STX11: variants seen among roughly 807,000 people sequenced by gnomAD.
STX11 encodes syntaxin 11.
Under a neutral mutation model 19.9 loss-of-function variants are expected in STX11, and 21 were observed. The ratio of observed to expected loss-of-function variants is 1.06; its 90% CI spans 0.75 to 1.52. The LOEUF is 1.52. Ranked by LOEUF, STX11 falls within the 40% of genes most tolerant of loss-of-function variation. The pLI is 0.00. For synonymous variants in STX11, 193 were observed against 174.4 expected (o/e 1.11, Z -0.84); for missense variants, 438 against 405.9 (o/e 1.08, Z -0.68).
chr6:144,163,467 T>A (rs78018596), intron 1 of STX11, among the ~76,000 whole-genome samples: 9,303 of 152,002 alleles, frequency 0.061, 425 homozygotes, highest in East Asian at 0.22. Flanking sequence ...TTTTTATTTT[T>A]AAAATTTTTT....
Position 144,153,671 on chromosome 6 carries a change from G to C in STX11, c.-6+2968G>C, listed in dbSNP as rs766264973. The stretch of plus-strand genomic sequence containing the variant: ...GTGACATTGACCCTAGGAAGACACC[G>C]TGGAAACTGTTGTCATATTGCAGAT... On this transcript the variant is annotated intron_variant, in intron 1 of 1. Coordinates refer to ENST00000367568, the MANE Select transcript of STX11 (RefSeq NM_003764.4). This position sits in a 1 kb window ranked among gnomAD's most constrained non-coding sequence, Gnocchi z 5.0. Among the ~76,000 whole-genome samples the C allele has an allele frequency of 2.6e-5, 4 of 152,194 alleles. No individual in the cohort carries two copies. Among genetic ancestry groups the C allele is most frequent in the Admixed American group, 1.3e-4 (2 of 15,278 alleles).
chr6:144,145,148 G>A, the STX11 span, among the ~76,000 whole-genome samples: 2 of 152,216 alleles, frequency 1.3e-5, no homozygotes, highest in Admixed American at 1.3e-4. Flanking sequence ...AGCAACGCAA[G>A]TGTCCATTGA....
Position 144,176,866 on chromosome 6 carries a change from A to G in STX11, c.-5-9757A>G, listed in dbSNP as rs1437719519. On this transcript the variant is annotated intron_variant, in intron 1 of 1. Transcript: ENST00000367568. This position sits in a 1 kb window ranked among gnomAD's most constrained non-coding sequence, Gnocchi z 4.1. The stretch of plus-strand genomic sequence containing the variant: ...AGATGCCTTTGACATTTGAAGGGAG[A>G]AACTTCAGTTACTGTAAAGGTTACT... Among the ~76,000 whole-genome samples, 6 of 152,214 alleles carry G rather than the reference A, an allele frequency of 3.9e-5. No individual in the cohort carries two copies.
Position 144,169,351 on chromosome 6 carries a change from ATTAAT to A in STX11, c.-5-17269_-5-17265del, listed in dbSNP as rs1801566758. Among the ~76,000 whole-genome samples, 1 of 152,200 alleles carries A rather than the reference ATTAAT, an allele frequency of 6.6e-6. No homozygotes were observed. Among genetic ancestry groups the A allele is most frequent in the Non-Finnish European group, 1.5e-5 (1 of 68,036 alleles). On this transcript the variant is annotated intron_variant, in intron 1 of 1. Transcript: ENST00000367568. The surrounding 1 kb of genome is among the most constrained non-coding windows in gnomAD (Gnocchi z 5.2). Reference sequence around the variant, plus strand: ...AGCAATGACCTTGGCAAATTCATCAATTAATTTCTCTGCTGCTTTGTGATCAGCAG... The same window carrying A: ...AGCAATGACCTTGGCAAATTCATCAATTCTCTGCTGCTTTGTGATCAGCAG...
chr6:144,176,294 C>G lies in STX11; in HGVS notation c.-5-10329C>G. Among the ~76,000 whole-genome samples, 1 of 152,170 alleles carries G rather than the reference C, an allele frequency of 6.6e-6. No homozygotes were observed. On this transcript the variant is annotated intron_variant, in intron 1 of 1. Transcript: ENST00000367568. This position sits in a 1 kb window ranked among gnomAD's most constrained non-coding sequence, Gnocchi z 4.1. ...AAAGGGCATGAACTCAGGACCTGGA[C>G]AGATGTGAGTTTAAATCCCAGACTT...
chr6:144,155,026 C>T lies in STX11; in HGVS notation c.-6+4323C>T, dbSNP rs1404912252. Among the ~76,000 whole-genome samples, 2 of 151,994 alleles carry T rather than the reference C, an allele frequency of 1.3e-5. No homozygotes were observed. Among genetic ancestry groups the T allele is most frequent in the African/African-American group, 4.8e-5 (2 of 41,398 alleles). The stretch of plus-strand genomic sequence containing the variant: ...AACCTACCCTGACTTGGATTAATAT[C>T]CTGATTTTTGTTCAGCAATCAGGGA... On this transcript the variant is annotated intron_variant, in intron 1 of 1. Transcript: ENST00000367568. This position sits in a 1 kb window ranked among gnomAD's most constrained non-coding sequence, Gnocchi z 4.5.
chr6:144,162,935 A>G lies in STX11; in HGVS notation c.-6+12232A>G, dbSNP rs1002294218. 6.6e-6 allele frequency among the ~76,000 whole-genome samples: 1 copy of G among 152,222 alleles called. No homozygotes were observed. Among genetic ancestry groups the G allele is most frequent in the Non-Finnish European group, 1.5e-5 (1 of 68,046 alleles). On this transcript the variant is annotated intron_variant, in intron 1 of 1. Coordinates refer to ENST00000367568, the MANE Select transcript of STX11 (RefSeq NM_003764.4). This position sits in a 1 kb window ranked among gnomAD's most constrained non-coding sequence, Gnocchi z 4.6. ...GGGAATTCATTCACTGTGTGTAAATACCTTTTGAGGTTCATTGTCTTATTC... is the reference window on the plus strand; with the variant it reads ...GGGAATTCATTCACTGTGTGTAAATGCCTTTTGAGGTTCATTGTCTTATTC...
upstream of STX11, chr6:144,150,449 C>T: frequency 1.0e-6 from 1 of 967,240 alleles, no homozygotes. Context: ...GCGCTGTCAT[C>T]CCGGGGCGGG....
rs1191441125 is a variant in STX11, at chr6:144,175,345, T to G, written c.-5-11278T>G. 2.6e-5 allele frequency among the ~76,000 whole-genome samples: 4 copies of G among 152,260 alleles called. No individual in the cohort carries two copies. The East Asian group carries it at 7.7e-4, about 29-fold the overall frequency. On this transcript the variant is annotated intron_variant, in intron 1 of 1. Coordinates refer to ENST00000367568, the MANE Select transcript of STX11 (RefSeq NM_003764.4). This position sits in a 1 kb window ranked among gnomAD's most constrained non-coding sequence, Gnocchi z 5.1. ...AAAATGCTTTATACATGTTAGAATT[T>G]TATTGCTGTAAATGGAAATGGCAAT...
rs886061145 is a variant in STX11 at position 144,188,426 on chromosome 6, CCCTT to C, written c.*939_*942del. ...TTGAGTTTGTTTCACTCCAGTTTGC[CCCTT>C]CCTAGTCCAGTTTGGGTCAAACTTC... On this transcript the variant is annotated 3_prime_UTR_variant, in exon 2 of 2. Coordinates refer to ENST00000367568, the MANE Select transcript of STX11 (RefSeq NM_003764.4). 46 of 223,272 alleles carry C rather than the reference CCCTT, an allele frequency of 2.1e-4. No homozygotes were observed. The highest frequency in any genetic ancestry group is 5.9e-5 in the Admixed American group (1 of 16,896). The allele number at this position is 223,272 out of a possible 1,614,324, so 13.8% of individuals were successfully genotyped here. A position where few individuals can be genotyped will look rare whatever the true frequency, so the allele number is the denominator to read the frequency against.
intron 1 of STX11, among the ~76,000 whole-genome samples, chr6:144,181,613 A>G (rs1801914040): frequency 6.6e-6 from 1 of 151,200 alleles, no homozygotes; most frequent in African/African-American, 2.4e-5. Context: ...AAAAAAAAAA[A>G]AAAAGCTGAC....
chr6:144,190,503 G>A lies in STX11; in HGVS notation c.*3012G>A, dbSNP rs1802187438. ...TTTTTAAGTACAGAGGAAAAATAAA[G>A]CCTATTTTTTGTTAACAGTCTTAAT... On this transcript the variant is annotated 3_prime_UTR_variant, in exon 2 of 2. Coordinates refer to ENST00000367568, the MANE Select transcript of STX11 (RefSeq NM_003764.4). Among the ~76,000 whole-genome samples, 1 of 151,840 alleles carries A rather than the reference G, an allele frequency of 6.6e-6. No homozygotes were observed. Among genetic ancestry groups the A allele is most frequent in the Non-Finnish European group, 1.5e-5 (1 of 67,996 alleles).
intron 1 of STX11, among the ~76,000 whole-genome samples, chr6:144,158,097 C>T (rs1429027431): frequency 2.0e-5 from 3 of 152,020 alleles, no homozygotes; most frequent in African/African-American, 7.3e-5. Flanking sequence ...ACACATTTTC[C>T]CCAGAAGATT....
At chr6:144,161,356 C>G (rs1801332863) in intron 1 of STX11, among the ~76,000 whole-genome samples, 2 of 151,892 alleles carry the variant, frequency 1.3e-5, no homozygotes, top group African/African-American at 2.4e-5. Context: ...TTTTTGGATT[C>G]TTTAATTGGA....
At chr6:144,149,865 A>G (rs1160154867), upstream of STX11, among the ~76,000 whole-genome samples, 1 of 151,930 alleles carries the variant, frequency 6.6e-6, no homozygotes, top group Non-Finnish European at 1.5e-5. The surrounding 1 kb of genome is among the most constrained non-coding windows in gnomAD (Gnocchi z 5.1). Context: ...CACAATCCAC[A>G]CTTTCTATTT....
chr6:144,173,634 TTCAACA>T (rs1801702110), intron 1 of STX11, among the ~76,000 whole-genome samples: 4 of 152,202 alleles, frequency 2.6e-5, no homozygotes, highest in Non-Finnish European at 4.4e-5. Flanking sequence ...TCAAAACACT[TTCAACA>T]TTGTCTGGAG....
rs1801032894 is a variant in STX11 at position 144,152,588 on chromosome 6, C to T, written c.-6+1885C>T. Among the ~76,000 whole-genome samples, 1 of 152,178 alleles carries T rather than the reference C, an allele frequency of 6.6e-6. No individual in the cohort carries two copies. Among genetic ancestry groups the T allele is most frequent in the South Asian group, 2.1e-4 (1 of 4,832 alleles). On this transcript the variant is annotated intron_variant, in intron 1 of 1. Transcript: ENST00000367568. The surrounding 1 kb of genome is among the most constrained non-coding windows in gnomAD (Gnocchi z 4.9). The stretch of plus-strand genomic sequence containing the variant: ...GACAATTGCAGTCACCTTTAGTTAA[C>T]AGCATGACTTTTAGGAAATGGTGTG...
rs750713714 is a variant in STX11, at chr6:144,155,685, G to A, written c.-6+4982G>A. Among the ~76,000 whole-genome samples the A allele has an allele frequency of 6.6e-6, 1 of 152,194 alleles. No individual in the cohort carries two copies. The highest frequency in any genetic ancestry group is 1.5e-5 in the Non-Finnish European group (1 of 68,040). ...GAGAATAGCTAGAGTTGGGGGCTCTGTTAAGCCACCTCTAAGGCTCCTCCC... is the reference window on the plus strand; with the variant it reads ...GAGAATAGCTAGAGTTGGGGGCTCTATTAAGCCACCTCTAAGGCTCCTCCC... On this transcript the variant is annotated intron_variant, in intron 1 of 1. Coordinates refer to ENST00000367568, the MANE Select transcript of STX11 (RefSeq NM_003764.4). This position sits in a 1 kb window ranked among gnomAD's most constrained non-coding sequence, Gnocchi z 4.5.
At chr6:144,143,939 C>G in the STX11 span, among the ~76,000 whole-genome samples, 1 of 152,156 alleles carries the variant, frequency 6.6e-6, no homozygotes, top group Non-Finnish European at 1.5e-5. Flanking sequence ...AAGACCCTAG[C>G]TTAAAATCTA....
Sources: gnomAD v4.1 joint callset for allele counts (sites outside exome capture counted in the v4.1 genomes callset) on GRCh38, gnomAD v4.1.1 for gene constraint, Gnocchi (gnomAD v3.1) non-coding constraint, MANE v1.5 for transcripts, NCBI Gene and HGNC (gene_info 2026-07-23, HGNC 2026-07-21) for gene names.